EPHA6: variants seen among roughly 807,000 people sequenced by gnomAD.
EPHA6 encodes EPH receptor A6.
A neutral mutation model predicts 112.0 loss-of-function variants in EPHA6; 50 were observed. The ratio of observed to expected loss-of-function variants is 0.45; its 90% confidence interval spans 0.36 to 0.56. The LOEUF is 0.56. Ranked by LOEUF, EPHA6 falls within the 20% of genes least tolerant of loss-of-function variation. The pLI, the probability that EPHA6 is intolerant of heterozygous loss-of-function variation, is 0.00. For synonymous variants in EPHA6, 529 were observed against 490.7 expected (o/e 1.08, Z -1.03); for missense variants, 1,280 against 1,417.4 (o/e 0.90, Z 1.56).
chr3:97,066,843 G>A (rs16838196), intron 3 of EPHA6, among the ~76,000 whole-genome samples: 19,815 of 152,080 alleles, frequency 0.13, 2,125 homozygotes, highest in African/African-American at 0.3. Context: ...AGTATGCTCA[G>A]ATGACTGTAA....
rs375784289 is a variant in EPHA6, at chr3:96,970,666, A to G, written c.451-16664A>G. Among the ~76,000 whole-genome samples the G allele has an allele frequency of 1.2e-4, 18 of 152,186 alleles. No homozygotes were observed. The South Asian group carries it at 2.7e-3, about 23-fold the overall frequency. On this transcript the variant is annotated intron_variant, in intron 2 of 17. Transcript: ENST00000389672. ...CCCTGTTGTGGGAACATCCTATGGG[A>G]GGCTTGTGTGGGAAGCTCTATGATG... is the stretch of plus-strand genomic sequence containing the variant.
chr3:97,235,852 A>G (rs555202388), intron 4 of EPHA6, among the ~76,000 whole-genome samples: 3 of 152,224 alleles, frequency 2.0e-5, no homozygotes, highest in African/African-American at 4.8e-5. Flanking sequence ...TACCAGTTAC[A>G]TACCTGCAGG....
chr3:97,537,798 C>T (rs2092784675), intron 11 of EPHA6, among the ~76,000 whole-genome samples: 1 of 152,022 alleles, frequency 6.6e-6, no homozygotes, highest in Non-Finnish European at 1.5e-5. Context: ...AGGCTGGTCT[C>T]GAACTCCCAA....
At chr3:97,412,451 G>A (rs2087787820) in intron 6 of EPHA6, among the ~76,000 whole-genome samples, 1 of 151,912 alleles carries the variant, frequency 6.6e-6, no homozygotes, top group Non-Finnish European at 1.5e-5. Flanking sequence ...TGAATTCCAT[G>A]TCTTTATCTC....
intron 5 of EPHA6, among the ~76,000 whole-genome samples, chr3:97,330,638 A>G (rs2082743688): frequency 6.6e-6 from 1 of 152,136 alleles, no homozygotes; most frequent in Admixed American, 6.6e-5. Flanking sequence ...AAAGATCAAA[A>G]GAGACAAAGA....
At chr3:97,147,256 T>C (rs1370370360) in intron 3 of EPHA6, among the ~76,000 whole-genome samples, 1 of 152,112 alleles carries the variant, frequency 6.6e-6, no homozygotes, top group African/African-American at 2.4e-5. Flanking sequence ...CGAGATTCAT[T>C]TGGGCACATC....
In EPHA6 at chr3:97,365,245, A is replaced by T. The variant is rs938077683; in HGVS notation, c.1607-39905A>T. Among the ~76,000 whole-genome samples the T allele has an allele frequency of 3.3e-5, 5 of 149,278 alleles. No individual in the cohort carries two copies. In the East Asian group the frequency reaches 7.7e-4, roughly 23 times the overall value. Reference sequence around the variant, plus strand: ...CTTAGATACATTTTTAAAGACTTTTAAAAAAAATTGGAATAAAGAGGTTTC... The same window carrying T: ...CTTAGATACATTTTTAAAGACTTTTTAAAAAAATTGGAATAAAGAGGTTTC... On this transcript the variant is annotated intron_variant, in intron 5 of 17. Transcript: ENST00000389672.
intron 3 of EPHA6, among the ~76,000 whole-genome samples, chr3:97,159,197 T>C (rs2076357387): frequency 6.6e-6 from 1 of 152,174 alleles, no homozygotes. Context: ...GTATTCTAGA[T>C]ATACATTTCC....
rs2036005919 is a variant in EPHA6, at chr3:97,755,548, A to G, written c.*6847A>G. Among the ~76,000 whole-genome samples, 1 of 152,226 alleles carries G rather than the reference A, an allele frequency of 6.6e-6. No individual in the cohort carries two copies. Among genetic ancestry groups the G allele is most frequent in the Non-Finnish European group, 1.5e-5 (1 of 68,018 alleles). On this transcript the variant is annotated 3_prime_UTR_variant, in exon 18 of 18. Coordinates refer to ENST00000389672, the MANE Select transcript of EPHA6 (RefSeq NM_001080448.3). ...TCTAATTCAGGATTCCTATTTAGTT[A>G]GTAACAGGGTCTCCATCTCATTATC...
intron 3 of EPHA6, among the ~76,000 whole-genome samples, chr3:97,210,747 TA>T (rs1356511986): frequency 2.0e-5 from 3 of 152,174 alleles, no homozygotes; most frequent in Non-Finnish European, 2.9e-5. Context: ...TTTAATGACT[TA>T]AGACAACACT....
At chr3:97,042,791 G>A (rs1401280672) in intron 3 of EPHA6, among the ~76,000 whole-genome samples, 2 of 152,114 alleles carry the variant, frequency 1.3e-5, no homozygotes, top group Admixed American at 1.3e-4. Context: ...ATCAGAGCAA[G>A]AAGATCAGAC....
chr3:97,683,855 C>T (rs1457445263), intron 14 of EPHA6, among the ~76,000 whole-genome samples: 2 of 152,100 alleles, frequency 1.3e-5, no homozygotes, highest in African/African-American at 2.4e-5. Context: ...AGGAATTGTT[C>T]ATTAAGCTGT....
intron 3 of EPHA6, among the ~76,000 whole-genome samples, chr3:97,112,542 T>C (rs1352011745): frequency 6.6e-6 from 1 of 152,148 alleles, no homozygotes; most frequent in Non-Finnish European, 1.5e-5. Flanking sequence ...TCAAAGGTGA[T>C]AGTTTCTGTT....
At chr3:97,598,214 T>G (rs1470534327) in intron 12 of EPHA6, among the ~76,000 whole-genome samples, 1 of 151,828 alleles carries the variant, frequency 6.6e-6, no homozygotes, top group Non-Finnish European at 1.5e-5. Flanking sequence ...CATTATACGT[T>G]ATTTAAAAAC....
chr3:97,324,419 T>TTCTTTCTTTC (rs1299979034), intron 5 of EPHA6, among the ~76,000 whole-genome samples: 32 of 140,136 alleles, frequency 2.3e-4, no homozygotes, highest in African/African-American at 7.2e-4. Flanking sequence ...CTTTCTTTCT[T>TTCTTTCTTTC]TCTTTCTTTC....
At chr3:97,335,133 G>A (rs748662302) in intron 5 of EPHA6, among the ~76,000 whole-genome samples, 15 of 152,140 alleles carry the variant, frequency 9.9e-5, no homozygotes, top group Non-Finnish European at 1.9e-4. Context: ...TTGAGACGTG[G>A]TCTCCAGAAG....
At chr3:97,446,989 T>A (rs1268838526) in intron 6 of EPHA6, among the ~76,000 whole-genome samples, 1 of 152,192 alleles carries the variant, frequency 6.6e-6, no homozygotes, top group Non-Finnish European at 1.5e-5. Flanking sequence ...TAGTCTTTTT[T>A]TATTTAAAAT....
At chr3:97,419,366 G>A (rs1445189340) in intron 6 of EPHA6, among the ~76,000 whole-genome samples, 2 of 152,074 alleles carry the variant, frequency 1.3e-5, no homozygotes, top group African/African-American at 4.8e-5. Context: ...GCTTACGTCT[G>A]TAATCCCAGC....
At chr3:97,324,433 C>CTTTCTT (rs1553746337) in intron 5 of EPHA6, among the ~76,000 whole-genome samples, 2 of 145,618 alleles carry the variant, frequency 1.4e-5, no homozygotes, top group African/African-American at 5.2e-5. Context: ...TTCTTTCTTT[C>CTTTCTT]TTTCTTTCTT....
Sources: gnomAD v4.1 joint callset for allele counts (sites outside exome capture counted in the v4.1 genomes callset) on GRCh38, gnomAD v4.1.1 for gene constraint, MANE v1.5 for transcripts, NCBI Gene and HGNC (gene_info 2026-07-23, HGNC 2026-07-21) for gene names.